The following RCOR1 variants were observed in gnomAD, a reference collection of about 807,000 sequenced individuals.
RCOR1 encodes the protein REST corepressor 1.
In RCOR1, 12 loss-of-function variants were observed where a neutral mutation model predicts 64.0. The observed-to-expected ratio is 0.19, with a 90% CI of 0.12 to 0.30. RCOR1 has a LOEUF of 0.30. Among genes scored for constraint, RCOR1 ranks in the 10% least tolerant of loss-of-function variants. RCOR1 has a pLI of 1.00. For missense variants in RCOR1, 502 were observed against 621.2 expected (o/e 0.81, Z 2.04); for synonymous variants, 279 against 227.2 (o/e 1.23, Z -2.05).
rs920218426 is a variant in RCOR1 at position 102,729,892 on chromosome 14, A to G, written c.*3386A>G. ...CTTGTCTAGCCTGTTTCTAAACCGAATGATCCAGGATTCAAGCTTCTATTG... is the reference window on the plus strand; with the variant it reads ...CTTGTCTAGCCTGTTTCTAAACCGAGTGATCCAGGATTCAAGCTTCTATTG... On this transcript the variant is annotated 3_prime_UTR_variant, in exon 12 of 12. Coordinates refer to ENST00000262241, the MANE Select transcript of RCOR1 (RefSeq NM_015156.4). 3.0e-5 allele frequency: 12 copies of G among 398,914 alleles called. No homozygotes were observed. The highest frequency in any genetic ancestry group is 6.2e-4 in the Middle Eastern group (1 of 1,610). The allele number at this position is 398,914 out of a possible 1,614,324, so 24.7% of individuals were successfully genotyped here.
chr14:102,642,745 A>T (rs1363811303), intron 2 of RCOR1, among the ~76,000 whole-genome samples: 3 of 152,110 alleles, frequency 2.0e-5, no homozygotes, highest in African/African-American at 7.2e-5. Context: ...CTGAGATGGA[A>T]GGATCACATG....
intron 3 of RCOR1, among the ~76,000 whole-genome samples, chr14:102,698,925 CT>C (rs59244779): frequency 0.15 from 22,503 of 146,882 alleles, 1,900 homozygotes; most frequent in East Asian, 0.27. Flanking sequence ...CCTGCCCTGC[CT>C]TTTTTTTTTT....
At chr14:102,690,992 G>T (rs781448676) in intron 3 of RCOR1, among the ~76,000 whole-genome samples, 10 of 152,138 alleles carry the variant, frequency 6.6e-5, no homozygotes, top group Non-Finnish European at 1.0e-4. Context: ...CTGTAACTTG[G>T]GTTGTCTGGA....
chr14:102,662,931 A>G (rs1224769014), intron 2 of RCOR1, among the ~76,000 whole-genome samples: 1 of 152,182 alleles, frequency 6.6e-6, no homozygotes, highest in African/African-American at 2.4e-5. Context: ...ACTACCCTTC[A>G]GAAAGCCTGA....
intron 2 of RCOR1, among the ~76,000 whole-genome samples, chr14:102,653,178 T>G (rs529006124): frequency 2.0e-3 from 310 of 152,220 alleles, no homozygotes; most frequent in African/African-American, 6.7e-3. Flanking sequence ...TGCCTCGGCC[T>G]CCCAAAGTGC....
rs1231666507 is a variant in RCOR1, at chr14:102,654,809, T to C, written c.362-27086T>C. Among the ~76,000 whole-genome samples, 3 of 140,916 alleles carry C rather than the reference T, an allele frequency of 2.1e-5. No individual in the cohort carries two copies. The Admixed American group carries it at 2.1e-4, about 10-fold the overall frequency. The allele number at this position is 140,916 out of a possible 152,430, so 92.4% of individuals were successfully genotyped here. A position where few individuals can be genotyped will look rare whatever the true frequency, so the allele number is the denominator to read the frequency against. ...GAGTTTTTTTTTTTTTTTTTTTTCC[T>C]GTTCTTTTCCTTTTTTTTTGAGACA... is the stretch of plus-strand genomic sequence containing the variant. On this transcript the variant is annotated intron_variant, in intron 2 of 11. Coordinates refer to ENST00000262241, the MANE Select transcript of RCOR1 (RefSeq NM_015156.4).
intron 2 of RCOR1, among the ~76,000 whole-genome samples, chr14:102,605,199 T>C (rs1893481893): frequency 6.6e-6 from 1 of 152,152 alleles, no homozygotes; most frequent in South Asian, 2.1e-4. Context: ...CAGAGCCAAC[T>C]TGTAGTCCAG....
At chr14:102,700,344 C>T (rs969379407) in intron 3 of RCOR1, among the ~76,000 whole-genome samples, 5 of 152,158 alleles carry the variant, frequency 3.3e-5, no homozygotes, top group African/African-American at 1.2e-4. Flanking sequence ...GCCTCAGCCT[C>T]CCAAGTAGCT....
intron 2 of RCOR1, among the ~76,000 whole-genome samples, chr14:102,606,373 C>T (rs1021319706): frequency 2.0e-5 from 3 of 151,792 alleles, no homozygotes; most frequent in Non-Finnish European, 4.4e-5. Context: ...TATTTACACC[C>T]ATACTCTCCC....
chr14:102,686,182 C>A (rs192404860), intron 3 of RCOR1, among the ~76,000 whole-genome samples: 7 of 152,176 alleles, frequency 4.6e-5, no homozygotes, highest in African/African-American at 1.7e-4. Flanking sequence ...CTCACTGCAG[C>A]CTTGAACTCC....
intron 2 of RCOR1, among the ~76,000 whole-genome samples, chr14:102,628,648 G>A (rs1336836193): frequency 1.3e-5 from 2 of 152,078 alleles, no homozygotes; most frequent in East Asian, 3.9e-4. Flanking sequence ...TGAAAATCCT[G>A]GGTTCAAACA....
chr14:102,598,509 G>A (rs917320464), intron 2 of RCOR1, among the ~76,000 whole-genome samples: 1 of 146,348 alleles, frequency 6.8e-6, no homozygotes, highest in African/African-American at 2.5e-5. Flanking sequence ...GTGCAGTGGT[G>A]TAATCCGGGC....
chr14:102,706,289 A>G (rs1001449871), intron 4 of RCOR1, among the ~76,000 whole-genome samples: 16 of 152,146 alleles, frequency 1.1e-4, no homozygotes, highest in African/African-American at 3.9e-4. Context: ...AGAGATTGGC[A>G]TAATGGGTAA....
chr14:102,603,240 C>T (rs905880018), intron 2 of RCOR1, among the ~76,000 whole-genome samples: 11 of 151,966 alleles, frequency 7.2e-5, no homozygotes, highest in African/African-American at 2.7e-4. Context: ...ACCACCACAC[C>T]CAGCAAAGAA....
At chr14:102,707,169 G>T (rs1449160739) in intron 4 of RCOR1, among the ~76,000 whole-genome samples, 182 bp from the exon 5 acceptor site, 1 of 152,076 alleles carries the variant, frequency 6.6e-6, no homozygotes, top group East Asian at 1.9e-4. Flanking sequence ...AAAAAAGTAT[G>T]TGTATATTAC....
chr14:102,680,062 A>G (rs1029580129), intron 2 of RCOR1, among the ~76,000 whole-genome samples: 1 of 152,066 alleles, frequency 6.6e-6, no homozygotes. Flanking sequence ...ATCTTCTTAG[A>G]TCATCTTTAG....
intron 4 of RCOR1, among the ~76,000 whole-genome samples, chr14:102,706,136 A>AAAAAAAAC (rs1567442106): frequency 1.0e-4 from 15 of 148,974 alleles, no homozygotes; most frequent in African/African-American, 3.5e-4. Flanking sequence ...AAAAAAAAAA[A>AAAAAAAAC]AAAAAACCTA....
Position 102,726,772 on chromosome 14 carries a change from C to G in RCOR1, c.*266C>G, listed in dbSNP as rs956659208. 2.7e-5 allele frequency: 12 copies of G among 450,716 alleles called. No individual in the cohort carries two copies. Among genetic ancestry groups the G allele is most frequent in the African/African-American group, 2.1e-4 (10 of 48,226 alleles). The allele number at this position is 450,716 out of a possible 1,614,324, so 27.9% of individuals were successfully genotyped here. ...CTCACGGCCTGCACATCTCTTGTGA[C>G]TCTGGGAACCGCCTCTCCCGCCGGA... On this transcript the variant is annotated 3_prime_UTR_variant, in exon 12 of 12. Coordinates refer to ENST00000262241, the MANE Select transcript of RCOR1 (RefSeq NM_015156.4).
chr14:102,639,426 G>C (rs1894314445), intron 2 of RCOR1, among the ~76,000 whole-genome samples: 1 of 150,638 alleles, frequency 6.6e-6, no homozygotes, highest in African/African-American at 2.4e-5. Flanking sequence ...CCCTTCCCCA[G>C]CTCTCCCCCT....
Sources: gnomAD v4.1 joint callset for allele counts (sites outside exome capture counted in the v4.1 genomes callset) on GRCh38, gnomAD v4.1.1 for gene constraint, MANE v1.5 for transcripts, NCBI Gene and HGNC (gene_info 2026-07-23, HGNC 2026-07-21) for gene names.